Variants in CCNY observed in about 807,000 individuals in gnomAD.
CCNY encodes cyclin-Y.
In CCNY, 19 loss-of-function variants were observed where a neutral mutation model predicts 42.8. That is an observed-to-expected ratio of 0.44 (90% CI 0.31 to 0.65). The LOEUF (loss-of-function observed/expected upper bound fraction) is 0.65. CCNY is among the 30% of genes least tolerant of loss of function. The pLI, the probability that CCNY is intolerant of heterozygous loss-of-function variation, is 0.07. For synonymous variants in CCNY, 165 were observed against 162.7 expected (o/e 1.01, Z -0.11); for missense variants, 370 against 437.3 (o/e 0.85, Z 1.37).
At chr10:35,317,641 G>C (rs1470643299) in intron 3 of CCNY, among the ~76,000 whole-genome samples, 1 of 152,218 alleles carries the variant, frequency 6.6e-6, no homozygotes, top group Non-Finnish European at 1.5e-5. Flanking sequence ...ATGGAAGAGA[G>C]CACATTTCCT....
At chr10:35,538,881 C>T (rs1840940113) in intron 7 of CCNY, among the ~76,000 whole-genome samples, 2 of 152,200 alleles carry the variant, frequency 1.3e-5, no homozygotes, top group South Asian at 2.1e-4. Flanking sequence ...ATGATTTACC[C>T]CTATATCTTC....
At chr10:35,263,267 G>T (rs2095721657) in intron 3 of CCNY, among the ~76,000 whole-genome samples, 1 of 141,606 alleles carries the variant, frequency 7.1e-6, no homozygotes, top group Non-Finnish European at 1.5e-5. Context: ...TGAGGCAGGA[G>T]AATGGTGTGA....
chr10:35,289,951 C>T (rs1024485852), intron 3 of CCNY, among the ~76,000 whole-genome samples: 6 of 146,902 alleles, frequency 4.1e-5, no homozygotes, highest in Non-Finnish European at 7.5e-5. Context: ...ATCAGCTGGG[C>T]GTGGTGGCTT....
intron 8 of CCNY, among the ~76,000 whole-genome samples, chr10:35,558,484 G>A (rs1841404092): frequency 6.6e-6 from 1 of 152,196 alleles, no homozygotes; most frequent in African/African-American, 2.4e-5. Context: ...GTCCCGCTGA[G>A]TCCTGTAACA....
At chr10:35,446,962 T>C (rs562041649) in intron 1 of CCNY, among the ~76,000 whole-genome samples, 1 of 152,214 alleles carries the variant, frequency 6.6e-6, no homozygotes, top group Non-Finnish European at 1.5e-5. Flanking sequence ...GGAAAACATA[T>C]AGTTACCATG....
At chr10:35,459,728 C>G (rs759469066) in intron 1 of CCNY, among the ~76,000 whole-genome samples, 2 of 152,202 alleles carry the variant, frequency 1.3e-5, no homozygotes, top group Non-Finnish European at 2.9e-5. Context: ...AGAGCATACT[C>G]TCATTGCACC....
chr10:35,434,923 C>G (rs1332909128), intron 1 of CCNY, among the ~76,000 whole-genome samples: 1 of 152,198 alleles, frequency 6.6e-6, no homozygotes, highest in Non-Finnish European at 1.5e-5. Flanking sequence ...GTATCTCCTG[C>G]TTCTCGACTC....
At chr10:35,364,191 C>A (rs1836760947) in intron 1 of CCNY, among the ~76,000 whole-genome samples, 1 of 152,008 alleles carries the variant, frequency 6.6e-6, no homozygotes, top group Admixed American at 6.6e-5. Context: ...GTTTGGGATC[C>A]TTAGATCTCA....
chr10:35,352,553 C>T (rs1463726645), intron 1 of CCNY, among the ~76,000 whole-genome samples: 1 of 152,314 alleles, frequency 6.6e-6, no homozygotes, highest in East Asian at 1.9e-4. Context: ...GGAATTCGAG[C>T]TTCAGTTCTT....
intron 1 of CCNY, among the ~76,000 whole-genome samples, chr10:35,398,496 C>T (rs1156709749): frequency 6.6e-6 from 1 of 152,088 alleles, no homozygotes; most frequent in Non-Finnish European, 1.5e-5. Flanking sequence ...ATTTATGTGT[C>T]TGGCTGGTCC....
At position 35,571,947 on chromosome 10, in the gene CCNY, T is replaced by C. The variant is rs1841694247; in HGVS notation, c.*2777T>C. On this transcript the variant is annotated 3_prime_UTR_variant, in exon 10 of 10. Transcript: ENST00000374704. Reference sequence around the variant, plus strand: ...ATATATCCCGATGAATCTTTTTGATTTGTTTTACTTTTCTTATTTTTTTTT... The same window carrying C: ...ATATATCCCGATGAATCTTTTTGATCTGTTTTACTTTTCTTATTTTTTTTT... The C allele has an allele frequency of 6.7e-6, 1 of 148,772 alleles. No individual in the cohort carries two copies. The highest frequency in any genetic ancestry group is 1.5e-5 in the Non-Finnish European group (1 of 67,586). 9.2% of individuals were successfully genotyped at this position (148,772 alleles called of 1,614,324 possible). A position where few individuals can be genotyped will look rare whatever the true frequency, so the allele number is the denominator to read the frequency against.
intron 4 of CCNY, among the ~76,000 whole-genome samples, chr10:35,517,877 C>T (rs574742892): frequency 6.6e-6 from 1 of 152,306 alleles, no homozygotes; most frequent in Non-Finnish European, 1.5e-5. Context: ...TGTGCAGTAC[C>T]TTTGGAAGTA....
At chr10:35,428,751 A>C in intron 1 of CCNY, among the ~76,000 whole-genome samples, 1 of 151,972 alleles carries the variant, frequency 6.6e-6, no homozygotes. Context: ...GATGTGTTTG[A>C]GAGAGATTTA....
intron 1 of CCNY, among the ~76,000 whole-genome samples, chr10:35,360,954 G>C (rs978193827): frequency 6.6e-6 from 1 of 152,022 alleles, no homozygotes; most frequent in African/African-American, 2.4e-5. Flanking sequence ...TCTGCCTCCC[G>C]GGTTTAAATG....
At chr10:35,302,452 A>G (rs1835549156) in intron 3 of CCNY, among the ~76,000 whole-genome samples, 1 of 151,402 alleles carries the variant, frequency 6.6e-6, no homozygotes, top group Non-Finnish European at 1.5e-5. Flanking sequence ...CTGGCACTGC[A>G]GGCATGCACC....
chr10:35,417,522 G>C (rs542930824), intron 1 of CCNY, among the ~76,000 whole-genome samples: 1 of 152,158 alleles, frequency 6.6e-6, no homozygotes, highest in Non-Finnish European at 1.5e-5. Context: ...TAGCTAAAAT[G>C]TTTGAGCATG....
intron 3 of CCNY, among the ~76,000 whole-genome samples, chr10:35,255,429 T>C (rs1313355459): frequency 6.6e-6 from 1 of 151,860 alleles, no homozygotes; most frequent in African/African-American, 2.4e-5. Context: ...CAAGCGATTC[T>C]GGGACTATAG....
intron 1 of CCNY, among the ~76,000 whole-genome samples, chr10:35,379,765 G>C (rs1250724503): frequency 6.6e-6 from 1 of 152,166 alleles, no homozygotes; most frequent in Non-Finnish European, 1.5e-5. Flanking sequence ...GAATTCTCTC[G>C]TGCTTGCCTT....
intron 3 of CCNY, among the ~76,000 whole-genome samples, chr10:35,266,508 A>G (rs1195016854): frequency 6.6e-6 from 1 of 152,058 alleles, no homozygotes; most frequent in East Asian, 1.9e-4. Context: ...GCGTGGACAC[A>G]GGCACACATT....
Sources: allele counts gnomAD v4.1 joint callset (sites outside exome capture counted in the v4.1 genomes callset), GRCh38; gene constraint gnomAD v4.1.1; transcripts MANE v1.5; gene names NCBI Gene and HGNC (gene_info 2026-07-23, HGNC 2026-07-21).